The following NRXN3 variants were observed in gnomAD, a reference collection of about 807,000 sequenced individuals.
NRXN3 encodes neurexin 3, also known as neurexin III.
NRXN3 carries 32 observed loss-of-function variants against 137.6 expected under a neutral mutation model. The observed-to-expected ratio is 0.23, with a 90% CI of 0.18 to 0.31. The LOEUF (loss-of-function observed/expected upper bound fraction) is 0.31, where lower values mean the gene tolerates loss of function less well. NRXN3 is among the 10% of genes least tolerant of loss of function. The pLI, the probability that NRXN3 is intolerant of heterozygous loss-of-function variation, is 1.00. For synonymous variants in NRXN3, 798 were observed against 784.5 expected (o/e 1.02, Z -0.29); for missense variants, 1,574 against 2,062.5 (o/e 0.76, Z 4.59).
intron 10 of NRXN3, among the ~76,000 whole-genome samples, chr14:78,858,083 A>G (rs2099062397): frequency 2.0e-5 from 3 of 152,194 alleles, no homozygotes; most frequent in South Asian, 4.1e-4. Flanking sequence ...CTAATTTGCT[A>G]GGGGAGTTCC....
rs73327962 is a variant in NRXN3, at chr14:79,640,944, C to T, written c.3445-22834C>T. On this transcript the variant is annotated intron_variant, in intron 16 of 20. Coordinates refer to ENST00000335750, the MANE Select transcript of NRXN3 (RefSeq NM_001330195.2). ...GAAGGTAAGTAGCCTCTACTGGAGG[C>T]TAAGGGAAGCTAAACACTTAAGTTT... Among the ~76,000 whole-genome samples the T allele has an allele frequency of 5.4e-3, 726 of 135,534 alleles. 47 individuals carry two copies. The highest frequency in any genetic ancestry group is 0.017 in the African/African-American group (681 of 40,834). The allele number at this position is 135,534 out of a possible 152,430, so 88.9% of individuals were successfully genotyped here.
intron 15 of NRXN3, among the ~76,000 whole-genome samples, chr14:79,171,678 A>T (rs12435460): frequency 0.034 from 5,250 of 152,304 alleles, 257 homozygotes; most frequent in East Asian, 0.23. Context: ...AGTGTGTCAG[A>T]ACTTTCTTGC....
chr14:79,257,172 G>C (rs763038026), intron 15 of NRXN3, among the ~76,000 whole-genome samples: 2 of 152,056 alleles, frequency 1.3e-5, no homozygotes, highest in Admixed American at 1.3e-4. Flanking sequence ...GGCAGGGAGG[G>C]CGAGGGGGAG....
intron 16 of NRXN3, among the ~76,000 whole-genome samples, chr14:79,613,780 T>C (rs2098127999): frequency 6.6e-6 from 1 of 152,288 alleles, no homozygotes; most frequent in South Asian, 2.1e-4. Context: ...GGCACAAAGA[T>C]AAATCAGAAA....
At chr14:78,573,485 G>C (rs765569811) in intron 4 of NRXN3, among the ~76,000 whole-genome samples, 2 of 152,204 alleles carry the variant, frequency 1.3e-5, no homozygotes, top group African/African-American at 4.8e-5. Context: ...GAGGAACTTG[G>C]TGGGAACTGG....
chr14:79,690,927 T>C (rs2098714261), intron 17 of NRXN3, among the ~76,000 whole-genome samples: 1 of 152,056 alleles, frequency 6.6e-6, no homozygotes. Flanking sequence ...AGCCACCTGG[T>C]TTGAGATTTT....
chr14:78,641,878 A>C (rs1171035897), intron 4 of NRXN3, among the ~76,000 whole-genome samples: 1 of 152,170 alleles, frequency 6.6e-6, no homozygotes, highest in African/African-American at 2.4e-5. Flanking sequence ...CGTTGGTTTT[A>C]GTTCTTATTT....
chr14:78,941,812 T>C (rs2099353530), intron 10 of NRXN3, among the ~76,000 whole-genome samples: 1 of 152,220 alleles, frequency 6.6e-6, no homozygotes, highest in African/African-American at 2.4e-5. Context: ...CCCGCTGGTC[T>C]CCCATAGCTG....
At chr14:78,650,754 T>A (rs1292522084) in intron 5 of NRXN3, among the ~76,000 whole-genome samples, 1 of 151,696 alleles carries the variant, frequency 6.6e-6, no homozygotes, top group Non-Finnish European at 1.5e-5. Context: ...CCTAACAAAT[T>A]TCATCATCAA....
chr14:79,292,136 G>A (rs1044093866), intron 15 of NRXN3, among the ~76,000 whole-genome samples: 1 of 152,180 alleles, frequency 6.6e-6, no homozygotes, highest in African/African-American at 2.4e-5. Flanking sequence ...ATGTAGAACA[G>A]TTCCCGGATA....
intron 1 of NRXN3, among the ~76,000 whole-genome samples, chr14:78,181,172 A>G (rs1388920829): frequency 7.9e-5 from 12 of 152,222 alleles, no homozygotes; most frequent in Admixed American, 7.9e-4. Context: ...TGTATTGATC[A>G]GTTTTTTTCT....
chr14:78,622,650 G>A (rs2097417809), intron 4 of NRXN3, among the ~76,000 whole-genome samples: 1 of 152,216 alleles, frequency 6.6e-6, no homozygotes, highest in Non-Finnish European at 1.5e-5. Flanking sequence ...TCTTAAAGTG[G>A]CACAAAGAGA....
chr14:78,876,023 AT>A (rs1428308646), intron 10 of NRXN3, among the ~76,000 whole-genome samples: 1 of 152,082 alleles, frequency 6.6e-6, no homozygotes, highest in Non-Finnish European at 1.5e-5. Context: ...CCCATTTCTT[AT>A]GTCTATCAGC....
At chr14:79,617,916 G>GAAAAAAAAAAAAAAAAA in intron 16 of NRXN3, among the ~76,000 whole-genome samples, 1 of 64,336 alleles carries the variant, frequency 1.6e-5, no homozygotes, top group African/African-American at 2.5e-4. Flanking sequence ...CTGAATAGCA[G>GAAAAAAAAAAAAAAAAA]CAAAAAAAAA....
intron 15 of NRXN3, among the ~76,000 whole-genome samples, chr14:79,174,273 A>G (rs957548928): frequency 2.6e-5 from 4 of 152,162 alleles, no homozygotes; most frequent in African/African-American, 9.7e-5. Context: ...CAATTCACAG[A>G]AGAAAAAATT....
intron 4 of NRXN3, among the ~76,000 whole-genome samples, chr14:78,320,870 A>T (rs60849072): frequency 1.3e-5 from 2 of 151,882 alleles, no homozygotes; most frequent in East Asian, 3.9e-4. Flanking sequence ...GTAATCCCAG[A>T]ACTTTGGGAG....
intron 2 of NRXN3, among the ~76,000 whole-genome samples, chr14:78,266,966 A>G (rs1028351407): frequency 2.0e-5 from 3 of 152,144 alleles, no homozygotes; most frequent in African/African-American, 7.2e-5. Context: ...GCAAGGATCC[A>G]TTGGGAGGCA....
intron 19 of NRXN3, among the ~76,000 whole-genome samples, chr14:79,769,945 GA>G (rs1211310964): frequency 1.3e-5 from 2 of 151,318 alleles, no homozygotes; most frequent in Non-Finnish European, 2.9e-5. Context: ...CAAGCAAATG[GA>G]AAACAAAAAA....
rs1184863264 is a variant in NRXN3, at chr14:79,385,216, C to CG, written c.3263-82005_3263-82004insG. Among the ~76,000 whole-genome samples, 15 of 127,188 alleles carry CG rather than the reference C, an allele frequency of 1.2e-4. No homozygotes were observed. The East Asian group carries it at 2.2e-3, about 19-fold the overall frequency. The allele number at this position is 127,188 out of a possible 152,430, so 83.4% of individuals were successfully genotyped here. A position where few individuals can be genotyped will look rare whatever the true frequency, so the allele number is the denominator to read the frequency against. ...CCAATGCTATCCTTCCCCCCGCCCC[C>CG]ACCCCACCACAGTCCCCAGAGTGTG... On this transcript the variant is annotated intron_variant, in intron 15 of 20. Coordinates refer to ENST00000335750, the MANE Select transcript of NRXN3 (RefSeq NM_001330195.2).
Sources: allele counts gnomAD v4.1 joint callset (sites outside exome capture counted in the v4.1 genomes callset), GRCh38; gene constraint gnomAD v4.1.1; transcripts MANE v1.5; gene names NCBI Gene and HGNC (gene_info 2026-07-23, HGNC 2026-07-21).